CBLC: variants seen among roughly 807,000 people sequenced by gnomAD.
CBLC encodes the protein Cbl proto-oncogene C.
Under a neutral mutation model 58.6 loss-of-function variants are expected in CBLC, and 46 were observed. The ratio of observed to expected loss-of-function variants is 0.79; its 90% confidence interval spans 0.62 to 1.00. The LOEUF (loss-of-function observed/expected upper bound fraction) is 1.00. Among genes scored for constraint, CBLC ranks in the 50% least tolerant of loss-of-function variants. The probability of loss-of-function intolerance (pLI) is 0.00; values close to 1 mark genes in which losing one functional copy is unlikely to be tolerated. For missense variants in CBLC, 655 were observed against 625.8 expected, an observed-to-expected ratio of 1.05 and a Z score of -0.50; for synonymous variants, 271 against 264.2, an observed-to-expected ratio of 1.03 and a Z score of -0.25.
intron 5 of CBLC, among the ~76,000 whole-genome samples, chr19:44,789,265 T>G (rs1366833340): frequency 6.6e-6 from 1 of 152,166 alleles, no homozygotes; most frequent in Non-Finnish European, 1.5e-5. Context: ...GAAGAAGTGG[T>G]ACAGGTGCTC....
At position 44,781,373 on chromosome 19, in the gene CBLC, G is replaced by A. The variant is rs781677029; in HGVS notation, c.657+10G>A. On this transcript the variant is annotated intron_variant, in intron 3 of 10. Transcript: ENST00000647358. ...CACCAGGCTCTTTCAGGTCAGGGAA[G>A]GCCAAGGCTGGGAGCTAGACTTGGG... 3 of 1,605,152 alleles carry A rather than the reference G, an allele frequency of 1.9e-6. No individual in the cohort carries two copies. Among genetic ancestry groups the A allele is most frequent in the African/African-American group, 2.7e-5 (2 of 74,908 alleles).
intron 9 of CBLC, among the ~76,000 whole-genome samples, chr19:44,794,835 C>G (rs1470784571): frequency 6.6e-6 from 1 of 151,982 alleles, no homozygotes; most frequent in Non-Finnish European, 1.5e-5. Context: ...AAGCTGTTCC[C>G]TTGGCCTGCA....
At chr19:44,786,569 T>G (rs1489902267) in intron 5 of CBLC, among the ~76,000 whole-genome samples, 1 of 146,826 alleles carries the variant, frequency 6.8e-6, no homozygotes, top group Non-Finnish European at 1.5e-5. Flanking sequence ...CACTCCAGCC[T>G]GAGCGACAGA....
In CBLC at chr19:44,784,314, A is replaced by C; in HGVS notation, c.830A>C (p.Tyr277Ser). 1.2e-6 allele frequency: 2 copies of C among 1,600,330 alleles called. No homozygotes were observed. Among genetic ancestry groups the C allele is most frequent in the Non-Finnish European group, 1.7e-6 (2 of 1,168,904 alleles). The change falls in exon 5 of 11, where the codon TAT becomes TCT. Residue 277 changes from tyrosine (Y) to serine (S), a missense_variant. By Grantham distance (144) the Tyr-to-Ser change is moderately radical. Transcript: ENST00000647358. ...CGCCTGGGGCAGTGGGCCATCGGCT[A>C]TGTGAGCTCAGATGGCAGCATCCTG... is the stretch of plus-strand genomic sequence containing the variant. ...CTRLGQWAIG[Y>S]VSSDGSILQT...
At chr19:44,793,770 GTC>G (rs1247396063) in intron 8 of CBLC, 150 bp downstream of exon 8, 4 of 763,762 alleles carry the variant, frequency 5.2e-6, no homozygotes, top group Non-Finnish European at 8.2e-6. Flanking sequence ...TGTACTCTGA[GTC>G]TAAGGGAGGA....
In CBLC at chr19:44,782,469, G is replaced by C; in HGVS notation, c.757G>C (p.Ala253Pro). Reference sequence around the variant, plus strand: ...TGATGAGGTCCAAGAGCGTCTGCAGGCCTGCAGGGACAAGCCAGGCAGGTA... The same window carrying C: ...TGATGAGGTCCAAGAGCGTCTGCAGCCCTGCAGGGACAAGCCAGGCAGGTA... The part of the protein sequence containing the change: ...TYDEVQERLQ[A>P]CRDKPGSYIF... Residue 253 changes from alanine (A) to proline (P), a missense_variant, in exon 4 of 11, where the codon GCC becomes CCC. Transcript: ENST00000647358. 9 of 1,613,798 alleles carry C rather than the reference G, an allele frequency of 5.6e-6. No homozygotes were observed. Among genetic ancestry groups the C allele is most frequent in the Non-Finnish European group, 7.6e-6 (9 of 1,179,810 alleles).
intron 1 of CBLC, 57 bp from the exon 2 acceptor site, chr19:44,780,848 G>A: frequency 6.4e-7 from 1 of 1,571,246 alleles, no homozygotes; most frequent in Non-Finnish European, 8.7e-7. Context: ...ATGAGGGGAG[G>A]AAGAGGGTGT....
rs1369363757 is a variant in CBLC, at chr19:44,777,990, G to A, written c.59G>A (p.Arg20Gln). The A allele has an allele frequency of 6.8e-6, 11 of 1,607,558 alleles. No homozygotes were observed. Among genetic ancestry groups the A allele is most frequent in the Middle Eastern group, 1.6e-4 (1 of 6,068 alleles). ...TGGGAAGAGGCCCGCGCCCTGGGCC[G>A]GGCAGTCAGGATGCTGCAGCGCCTA... The part of the protein sequence containing the change: ...RQWEEARALG[R>Q]AVRMLQRLEE... Residue 20 changes from arginine to glutamine, a missense_variant, in exon 1 of 11, where the codon CGG (arginine) becomes CAG (glutamine). By Grantham distance (43) the Arg-to-Gln change is conservative. Around this residue, in one of 3 missense-constraint regions of CBLC, gnomAD observed 280 missense variants for 237.2 expected, o/e 1.18. Transcript: ENST00000647358.
intron 9 of CBLC, among the ~76,000 whole-genome samples, chr19:44,797,481 C>T (rs1212240847): frequency 2.0e-5 from 3 of 151,918 alleles, no homozygotes; most frequent in Admixed American, 6.6e-5. Flanking sequence ...GAACTCCTTA[C>T]CTCCGGTCAT....
intron 1 of CBLC, among the ~76,000 whole-genome samples, chr19:44,778,882 G>T (rs112546614): frequency 1.5e-5 from 1 of 68,482 alleles, no homozygotes; most frequent in Non-Finnish European, 3.0e-5. Flanking sequence ...AGGGATCCAG[G>T]CCCCAGCCCC....
chr19:44,780,310 GT>G (rs1967685982), intron 1 of CBLC, among the ~76,000 whole-genome samples: 1 of 149,988 alleles, frequency 6.7e-6, no homozygotes, highest in African/African-American at 2.5e-5. Flanking sequence ...AATTTTTATA[GT>G]TTTTATTAGA....
intron 5 of CBLC, among the ~76,000 whole-genome samples, chr19:44,787,467 G>C (rs1339411696): frequency 6.6e-6 from 1 of 151,700 alleles, no homozygotes; most frequent in Non-Finnish European, 1.5e-5. Context: ...GCACAGAGGA[G>C]GACGCTGCAT....
At chr19:44,791,769 A>C (rs117705834) in intron 6 of CBLC, among the ~76,000 whole-genome samples, 3,917 of 149,398 alleles carry the variant, frequency 0.026, 78 homozygotes, top group South Asian at 0.047. Context: ...GACATGTAGG[A>C]GGCCATTGGA....
At position 44,790,106 on chromosome 19, in the gene CBLC, TGCACCC is replaced by T; in HGVS notation, c.1005+19_1005+24del. 6.2e-7 allele frequency: 1 copy of T among 1,603,646 alleles called. No homozygotes were observed. The highest frequency in any genetic ancestry group is 8.5e-7 in the Non-Finnish European group (1 of 1,170,462). Reference sequence around the variant, plus strand: ...ACGTGTCAGAGGTGAGACCCGCACCTGCACCCGCAGTCCCAGTTCCCTGACCCTGCC... The same window carrying T: ...ACGTGTCAGAGGTGAGACCCGCACCTGCAGTCCCAGTTCCCTGACCCTGCC... On this transcript the variant is annotated intron_variant, in intron 6 of 10. Coordinates refer to ENST00000647358, the MANE Select transcript of CBLC (RefSeq NM_012116.4).
At chr19:44,782,325 C>T (rs1393601613) in intron 3 of CBLC, 45 bp from the exon 4 acceptor site, 1 of 1,610,982 alleles carries the variant, frequency 6.2e-7, no homozygotes, top group East Asian at 2.2e-5. Flanking sequence ...GGGATGTGAG[C>T]TGCTTCCCTG....
intron 5 of CBLC, among the ~76,000 whole-genome samples, chr19:44,785,659 G>A (rs1479688305): frequency 3.3e-5 from 5 of 151,812 alleles, no homozygotes; most frequent in African/African-American, 9.7e-5. Flanking sequence ...TTTTTGGTGG[G>A]GCACGGTGGT....
intron 4 of CBLC, 148 bp from the exon 5 acceptor site, chr19:44,784,116 G>GGTCTA: frequency 1.6e-6 from 1 of 613,788 alleles, no homozygotes; most frequent in Non-Finnish European, 2.7e-6. Context: ...GGCAGGCAGG[G>GGTCTA]GTCTAGCACA....
intron 5 of CBLC, among the ~76,000 whole-genome samples, chr19:44,787,103 T>C (rs1967928256): frequency 6.6e-6 from 1 of 150,376 alleles, no homozygotes; most frequent in African/African-American, 2.5e-5. Flanking sequence ...AAAAATAAAG[T>C]CAATCATAAG....
chr19:44,783,077 T>G (rs551905943), intron 4 of CBLC, among the ~76,000 whole-genome samples: 19 of 152,194 alleles, frequency 1.2e-4, no homozygotes, highest in African/African-American at 4.3e-4. Flanking sequence ...ATTCCTATAA[T>G]TGAAAAGGCC....
Sources: gnomAD v4.1 joint callset for allele counts (sites outside exome capture counted in the v4.1 genomes callset) on GRCh38, gnomAD v4.1.1 for gene constraint, gnomAD v4.1.1 regional missense constraint, MANE v1.5 for transcripts, NCBI Gene and HGNC (gene_info 2026-07-23, HGNC 2026-07-21) for gene names.